PLEC: variants seen among roughly 807,000 people sequenced by gnomAD.
PLEC encodes plectin.
PLEC carries 216 observed loss-of-function variants against 392.8 expected under a neutral mutation model. That is an observed-to-expected ratio of 0.55 (90% confidence interval 0.49 to 0.62). PLEC has a LOEUF of 0.62. PLEC is among the 20% of genes least tolerant of loss of function. The pLI is 0.00. For missense variants in PLEC, 6,863 were observed against 6,563.4 expected (o/e 1.05, Z -1.58); for synonymous variants, 3,621 against 2,980.6 (o/e 1.21, Z -7.00).
upstream of PLEC, among the ~76,000 whole-genome samples, chr8:143,956,892 C>CGTCA (rs530891999): frequency 2.0e-5 from 3 of 152,182 alleles, no homozygotes; most frequent in East Asian, 5.8e-4. Context: ...GCCAGCTGCA[C>CGTCA]GTCAGTCAGC....
rs1827923013 is a variant in PLEC, at chr8:143,933,197, C to T, written c.1418G>A (p.Arg473Lys). ...TCAGGGAGGGCAGGGCGGGGCCCAC[C>T]TGCGGTACATCTGCTCGCCCTGCGG... The part of the protein sequence containing the change: ...RHPQGEQMYR[R>K]VYRLHERLVA... The change falls in exon 13 of 32, where the codon AGG (arginine) becomes AAG (lysine). Residue 473 changes from arginine (R) to lysine (K), a missense_variant and splice_region_variant. Coordinates refer to ENST00000345136, the MANE Select transcript of PLEC (RefSeq NM_201384.3). The T allele has an allele frequency of 6.2e-7, 1 of 1,612,482 alleles. No homozygotes were observed. The highest frequency in any genetic ancestry group is 8.5e-7 in the Non-Finnish European group (1 of 1,179,888).
At position 143,919,030 on chromosome 8, in the gene PLEC, G is replaced by T. The variant is rs537994918; in HGVS notation, c.10791C>A (p.Pro3597=). ...CCATCAGCTGGGCCCGCTGCTCCTCGGGGATCAGGTCCGACTGCATCACCT... is the reference window on the plus strand; with the variant it reads ...CCATCAGCTGGGCCCGCTGCTCCTCTGGGATCAGGTCCGACTGCATCACCT... ...LWEVMQSDLI[P]EEQRAQLMAD... The change falls in exon 32 of 32, where the codon CCC becomes CCA. Residue 3597 remains proline (P), a synonymous_variant. Coordinates refer to ENST00000345136, the MANE Select transcript of PLEC (RefSeq NM_201384.3). 2 of 1,611,092 alleles carry T rather than the reference G, an allele frequency of 1.2e-6. No homozygotes were observed. Among genetic ancestry groups the T allele is most frequent in the African/African-American group, 2.7e-5 (2 of 74,926 alleles).
chr8:143,922,863 G>C lies in PLEC; in HGVS notation c.7066C>G (p.Gln2356Glu). ...AAGCCCTGCGTCTCCTCCGCCAGCT[G>C]CTGCGCCATCTGCTCCTTGTCCTCC... Reference protein sequence around the residue: ...LQEDKEQMAQQLAEETQGFQR... With the variant: ...LQEDKEQMAQELAEETQGFQR... Residue 2356 changes from glutamine to glutamate, a missense_variant, in exon 31 of 32, where the codon CAG becomes GAG. Physicochemically the swap from Gln to Glu is conservative, Grantham distance 29 (BLOSUM62 2). Transcript: ENST00000345136. 2 of 1,580,052 alleles carry C rather than the reference G, an allele frequency of 1.3e-6. No individual in the cohort carries two copies. Among genetic ancestry groups the C allele is most frequent in the South Asian group, 2.3e-5 (2 of 87,676 alleles).
At chr8:143,934,481 G>A (rs1554720915) in intron 10 of PLEC, 36 bp from the exon 11 acceptor site, 1 of 1,608,340 alleles carries the variant, frequency 6.2e-7, no homozygotes, top group South Asian at 1.1e-5. Context: ...CCTATAGGCA[G>A]GGGGCAGGGG....
upstream of PLEC, among the ~76,000 whole-genome samples, chr8:143,974,423 G>T (rs1833585284): frequency 6.6e-6 from 1 of 152,238 alleles, no homozygotes; most frequent in South Asian, 2.1e-4. The surrounding 1 kb of genome is among the most constrained non-coding windows in gnomAD (Gnocchi z 5.9). Context: ...AGCCCTGAAG[G>T]TCATGCAGAT....
upstream of PLEC, among the ~76,000 whole-genome samples, chr8:143,973,854 C>G (rs1833562918): frequency 6.6e-6 from 1 of 152,056 alleles, no homozygotes; most frequent in Admixed American, 6.5e-5. The surrounding 1 kb of genome is among the most constrained non-coding windows in gnomAD (Gnocchi z 5.6). Context: ...CCTGCCCGCC[C>G]CCCACCTTGC....
chr8:143,944,335 G>A (rs371123721), upstream of PLEC, among the ~76,000 whole-genome samples: 8 of 152,108 alleles, frequency 5.3e-5, no homozygotes, highest in African/African-American at 7.2e-5. Flanking sequence ...AGAGGGGCCC[G>A]AGCAGCCCAC....
In PLEC at chr8:143,920,720, G is replaced by A. The variant is rs35858667; in HGVS notation, c.9101C>T (p.Ala3034Val). 0.071 allele frequency: 114,091 copies of A among 1,603,080 alleles called. 4,628 individuals are homozygous for A. Among genetic ancestry groups the A allele is most frequent in the Non-Finnish European group, 0.083 (97,894 of 1,179,848 alleles). ...NVIAGVWLEE[A>V]GQKLSIYNAL... is the part of the protein sequence containing the mutation. ...ATTGTAGATACTCAGCTTCTGCCCC[G>A]CCTCCTCCAGCCATACACCCGCGAT... is the stretch of plus-strand genomic sequence containing the variant. Residue 3034 changes from alanine to valine, a missense_variant, in exon 32 of 32, where the codon GCG becomes GTG. Transcript: ENST00000345136.
At position 143,939,438 on chromosome 8, in the gene PLEC, C is replaced by G. The variant is rs1554726721; in HGVS notation, c.24G>C (p.Val8=). Residue 8 remains valine, a synonymous_variant, in exon 1 of 32, where the codon GTG becomes GTC. Transcript: ENST00000345136. ...TTCGGCCCAGGCCCTCGGGCTGCGG[C>G]ACGCGGAGCTGGTGCTGAGACATGC... MSQHQLR[V]PQPEGLGRKR... 1 of 1,612,098 alleles carries G rather than the reference C, an allele frequency of 6.2e-7. No homozygotes were observed. The highest frequency in any genetic ancestry group is 1.3e-5 in the African/African-American group (1 of 74,926).
At chr8:143,942,174 C>T (rs1554729125), upstream of PLEC, among the ~76,000 whole-genome samples, 1 of 152,074 alleles carries the variant, frequency 6.6e-6, no homozygotes, top group African/African-American at 2.4e-5. Flanking sequence ...CCAGCCCCGC[C>T]CCCTCCAGCC....
chr8:143,975,064 A>G, upstream of PLEC: 1 of 1,198,052 alleles, frequency 8.3e-7, no homozygotes. The surrounding 1 kb of genome is among the most constrained non-coding windows in gnomAD (Gnocchi z 9.9). Flanking sequence ...CGTGACCCGC[A>G]GATCCCCCTA....
rs74937659 is a variant in PLEC at position 143,920,563 on chromosome 8, C to T, written c.9258G>A (p.Leu3086=). 1.2e-6 allele frequency: 2 copies of T among 1,611,298 alleles called. No individual in the cohort carries two copies. Among genetic ancestry groups the T allele is most frequent in the African/African-American group, 1.3e-5 (1 of 75,058 alleles). Residue 3086 remains leucine (L), a synonymous_variant, in exon 32 of 32, where the codon CTG becomes CTA. Transcript: ENST00000345136. The part of the protein sequence containing the change: ...LTVDEAVRAG[L]VGPEFHEKLL... ...GCTTCTCATGAAACTCGGGGCCCAC[C>T]AGGCCAGCACGCACTGCCTCGTCCA...
Position 143,937,187 on chromosome 8 carries a change from A to G in PLEC, c.320T>C (p.Leu107Pro). The G allele has an allele frequency of 6.2e-7, 1 of 1,612,710 alleles. No homozygotes were observed. Among genetic ancestry groups the G allele is most frequent in the Non-Finnish European group, 8.5e-7 (1 of 1,179,744 alleles). The change falls in exon 4 of 32, where the codon CTG becomes CCG. Residue 107 changes from leucine (L) to proline (P), a missense_variant. Coordinates refer to ENST00000345136, the MANE Select transcript of PLEC (RefSeq NM_201384.3). ...FHKLQNVQIA[L>P]DYLRHRQVKL... ...TACCTGGCGGTGCCGGAGGTAGTCC[A>G]GGGCAATCTGGACATTCTGCAGCTT...
Position 143,932,832 on chromosome 8 carries a change from T to C in PLEC, c.1698A>G (p.Glu566=). The C allele has an allele frequency of 6.2e-7, 1 of 1,612,478 alleles. No homozygotes were observed. ...CCCGCTCGATCTTGGCCCGGAATTC[T>C]TCGATGGACTGGTGCAGGCCTCGGT... The part of the protein sequence containing the change: ...GSHRGLHQSI[E]EFRAKIERAR... Residue 566 remains glutamate (E), a synonymous_variant, in exon 14 of 32, where the codon GAA becomes GAG. Transcript: ENST00000345136.
chr8:143,918,441 C>A lies in PLEC; in HGVS notation c.11380G>T (p.Glu3794Ter). The A allele has an allele frequency of 6.3e-7, 1 of 1,583,072 alleles. No homozygotes were observed. The highest frequency in any genetic ancestry group is 8.6e-7 in the Non-Finnish European group (1 of 1,167,004). Residue 3794 changes from glutamate (E) to a stop codon, truncating the protein, a stop_gained, in exon 32 of 32, where the codon GAG (glutamate) becomes TAG (stop). Coordinates refer to ENST00000345136, the MANE Select transcript of PLEC (RefSeq NM_201384.3). LOFTEE classifies it high-confidence loss of function. Reference protein sequence around the residue: ...QAMKKELIPTEEALRLLDAQL... With the variant: ...QAMKKELIPT ...GCATCCAGCAGCCGCAGGGCCTCCT[C>A]AGTAGGGATCAGCTCCTTCTTCATG...
At chr8:143,938,379 C>T in intron 2 of PLEC, 139 bp from the exon 3 acceptor site, 3 of 1,535,264 alleles carry the variant, frequency 2.0e-6, no homozygotes, top group Non-Finnish European at 2.6e-6. Context: ...CGGAACACAC[C>T]CTGCCCCACG....
rs782815676 is a variant in PLEC, at chr8:143,935,205, G to A, written c.711C>T (p.Asp237=). 2 of 1,612,552 alleles carry A rather than the reference G, an allele frequency of 1.2e-6. No individual in the cohort carries two copies. The highest frequency in any genetic ancestry group is 2.2e-5 in the East Asian group (1 of 44,870). Residue 237 remains aspartate (D), a synonymous_variant, in exon 7 of 32, where the codon GAC becomes GAT. Transcript: ENST00000345136. ...ERDLGVTRLL[D]PEDVDVPQPD... ...AAGGCCACGCAGACGTACCCTCAGG[G>A]TCCAGGAGCCGCGTCACTCCCAGGT...
At chr8:143,967,577 T>A (rs1202719397) in intron 1 of PLEC, among the ~76,000 whole-genome samples, 2 of 152,100 alleles carry the variant, frequency 1.3e-5, no homozygotes, top group African/African-American at 4.8e-5. Flanking sequence ...AGATGGGTTC[T>A]GGACTCCCCA....
In PLEC at chr8:143,924,075, G is replaced by A. The variant is rs782177660; in HGVS notation, c.5854C>T (p.Arg1952Cys). The change falls in exon 31 of 32, where the codon CGC (arginine) becomes TGC (cysteine). Residue 1952 changes from arginine to cysteine, a missense_variant. Transcript: ENST00000345136. ...AELELELGRI[R>C]SNAEDTLRSK... is the part of the protein sequence containing the mutation. ...CGCAGCGTGTCCTCCGCGTTGCTGC[G>A]GATGCGTCCCAGCTCCAGCTCCAGC... The A allele has an allele frequency of 1.2e-5, 19 of 1,597,744 alleles. No individual in the cohort carries two copies. Among genetic ancestry groups the A allele is most frequent in the African/African-American group, 2.7e-5 (2 of 74,744 alleles).
Sources: gnomAD v4.1 joint callset for allele counts (sites outside exome capture counted in the v4.1 genomes callset) on GRCh38, gnomAD v4.1.1 for gene constraint, Gnocchi (gnomAD v3.1) non-coding constraint, MANE v1.5 for transcripts, NCBI Gene and HGNC (gene_info 2026-07-23, HGNC 2026-07-21) for gene names.